The following CTNNBL1 variants were observed in gnomAD, a reference collection of about 807,000 sequenced individuals.
CTNNBL1 encodes catenin beta like 1.
CTNNBL1 carries 31 observed loss-of-function variants against 72.7 expected under a neutral mutation model. The ratio of observed to expected loss-of-function variants is 0.43; its 90% CI spans 0.32 to 0.58. The LOEUF is 0.58. Among genes scored for constraint, CTNNBL1 ranks in the 20% least tolerant of loss-of-function variants. CTNNBL1 has a pLI of 0.08. For missense variants in CTNNBL1, 534 were observed against 725.1 expected, an observed-to-expected ratio of 0.74 and a Z score of 3.03; for synonymous variants, 240 against 267.3, an observed-to-expected ratio of 0.90 and a Z score of 1.00.
chr20:37,842,647 G>A (rs534219452), intron 13 of CTNNBL1, among the ~76,000 whole-genome samples: 35 of 152,336 alleles, frequency 2.3e-4, no homozygotes, highest in African/African-American at 8.4e-4. Context: ...TGACCTGGGA[G>A]TCTGGGTGGA....
chr20:37,836,021 G>A (rs879748631), intron 11 of CTNNBL1, among the ~76,000 whole-genome samples: 3 of 152,130 alleles, frequency 2.0e-5, no homozygotes, highest in Admixed American at 6.5e-5. Context: ...TCAAGTACAC[G>A]TTGTACCTTT....
chr20:37,849,595 A>G (rs760991166), intron 13 of CTNNBL1, among the ~76,000 whole-genome samples: 5 of 152,214 alleles, frequency 3.3e-5, no homozygotes, highest in Non-Finnish European at 7.3e-5. Context: ...AATTTTGGCA[A>G]ACAAATTAGT....
chr20:37,751,335 G>C (rs969516214), intron 4 of CTNNBL1, among the ~76,000 whole-genome samples: 42 of 152,296 alleles, frequency 2.8e-4, no homozygotes, highest in African/African-American at 1.0e-3. Flanking sequence ...ACATTGGGTT[G>C]CATGCTAATA....
At chr20:37,712,632 C>G (rs2072948524) in intron 1 of CTNNBL1, among the ~76,000 whole-genome samples, 1 of 152,176 alleles carries the variant, frequency 6.6e-6, no homozygotes, top group Non-Finnish European at 1.5e-5. Context: ...AATACTAATA[C>G]AAAACACCCA....
intron 5 of CTNNBL1, among the ~76,000 whole-genome samples, chr20:37,758,547 C>T (rs2073385413): frequency 6.6e-6 from 1 of 152,228 alleles, no homozygotes; most frequent in Non-Finnish European, 1.5e-5. Flanking sequence ...CCCCAGATTC[C>T]CCAGTTCACT....
At chr20:37,854,975 C>T (rs1254065811) in intron 13 of CTNNBL1, among the ~76,000 whole-genome samples, 1 of 152,134 alleles carries the variant, frequency 6.6e-6, no homozygotes, top group African/African-American at 2.4e-5. Context: ...TCCCCAGTAA[C>T]ACTAGCTGCT....
intron 1 of CTNNBL1, among the ~76,000 whole-genome samples, chr20:37,705,338 G>A (rs1482054936): frequency 6.6e-6 from 1 of 152,140 alleles, no homozygotes. Context: ...AGGATTAAAT[G>A]AGACAATTTG....
At chr20:37,747,875 T>C (rs2073281935) in intron 4 of CTNNBL1, among the ~76,000 whole-genome samples, 1 of 152,182 alleles carries the variant, frequency 6.6e-6, no homozygotes, top group Non-Finnish European at 1.5e-5. Flanking sequence ...CAAAGGAGTG[T>C]ATAAGTGCTG....
intron 11 of CTNNBL1, among the ~76,000 whole-genome samples, chr20:37,830,953 AAT>A (rs1568800891): frequency 2.0e-5 from 3 of 152,316 alleles, no homozygotes; most frequent in South Asian, 2.1e-4. Context: ...AAAGACAAAA[AAT>A]AAGTCAAGCC....
At chr20:37,756,650 TTC>T (rs869058490) in intron 4 of CTNNBL1, among the ~76,000 whole-genome samples, 1 of 149,144 alleles carries the variant, frequency 6.7e-6, no homozygotes, top group South Asian at 2.2e-4. Context: ...TTTTTTTTTT[TTC>T]TTTGAGACAG....
At chr20:37,842,227 G>C in intron 12 of CTNNBL1, 112 bp from the exon 13 acceptor site, 1 of 742,552 alleles carries the variant, frequency 1.3e-6, no homozygotes, top group Non-Finnish European at 2.4e-6. Context: ...AGGAGTGCCA[G>C]AGCGGGTCTC....
At chr20:37,820,934 A>G (rs1461422877) in intron 11 of CTNNBL1, among the ~76,000 whole-genome samples, 1 of 152,182 alleles carries the variant, frequency 6.6e-6, no homozygotes, top group Admixed American at 6.5e-5. Context: ...TCTTCTTAAT[A>G]CAGATCTAGG....
At chr20:37,818,953 CT>C (rs2072082823) in intron 11 of CTNNBL1, among the ~76,000 whole-genome samples, 1 of 151,986 alleles carries the variant, frequency 6.6e-6, no homozygotes, top group South Asian at 2.1e-4. Flanking sequence ...TGTTCTTTTC[CT>C]TTTTTAGGCT....
intron 12 of CTNNBL1, among the ~76,000 whole-genome samples, chr20:37,841,619 T>C (rs1009937658): frequency 6.6e-6 from 1 of 152,116 alleles, no homozygotes; most frequent in African/African-American, 2.4e-5. Flanking sequence ...AGGGCTGTGG[T>C]GGTGCCAACC....
At chr20:37,718,068 T>G (rs2073003472) in intron 1 of CTNNBL1, among the ~76,000 whole-genome samples, 1 of 152,180 alleles carries the variant, frequency 6.6e-6, no homozygotes, top group South Asian at 2.1e-4. Flanking sequence ...TTCCCCCCTT[T>G]CTATTCCACA....
At chr20:37,748,830 C>T (rs1020617268) in intron 4 of CTNNBL1, among the ~76,000 whole-genome samples, 1 of 152,310 alleles carries the variant, frequency 6.6e-6, no homozygotes, top group Non-Finnish European at 1.5e-5. Context: ...CCTCCAAGTA[C>T]CATCACATTG....
At chr20:37,769,976 T>C (rs1354974074) in intron 7 of CTNNBL1, among the ~76,000 whole-genome samples, 1 of 152,214 alleles carries the variant, frequency 6.6e-6, no homozygotes, top group Non-Finnish European at 1.5e-5. Context: ...TTTGTTCCCA[T>C]TAAATCTGTA....
rs1225336286 is a variant in CTNNBL1, at chr20:37,779,154, A to G, written c.883-33A>G. 5.6e-6 allele frequency: 9 copies of G among 1,608,322 alleles called. 1 individual carries two copies. The Middle Eastern group carries it at 1.3e-3, about 237-fold the overall frequency. On this transcript the variant is annotated intron_variant, in intron 9 of 15. Transcript: ENST00000361383. The stretch of plus-strand genomic sequence containing the variant: ...GGCTCATGAAAAGACATTCTCTTAT[A>G]GCTCTGTGCTTTGTGCTGTTTTTGC...
chr20:37,820,326 A>C (rs542641490), intron 11 of CTNNBL1, among the ~76,000 whole-genome samples: 3 of 152,302 alleles, frequency 2.0e-5, no homozygotes, highest in Non-Finnish European at 4.4e-5. Context: ...GTACCTCTTG[A>C]ATTTAATCTC....
Sources: allele counts gnomAD v4.1 joint callset (sites outside exome capture counted in the v4.1 genomes callset), GRCh38; gene constraint gnomAD v4.1.1; transcripts MANE v1.5; gene names NCBI Gene and HGNC (gene_info 2026-07-23, HGNC 2026-07-21).